Variants in RNF38 observed in about 807,000 individuals in gnomAD.
RNF38 encodes the protein E3 ubiquitin-protein ligase RNF38.
A neutral mutation model predicts 67.2 loss-of-function variants in RNF38; 15 were observed. The observed-to-expected ratio is 0.22, with a 90% CI of 0.15 to 0.34. The LOEUF is 0.34. Ranked by LOEUF, RNF38 falls within the 10% of genes least tolerant of loss-of-function variation. RNF38 has a pLI of 1.00. For missense variants in RNF38, 524 were observed against 639.9 expected, an observed-to-expected ratio of 0.82 and a Z score of 1.95; for synonymous variants, 220 against 218.8, an observed-to-expected ratio of 1.01 and a Z score of -0.05.
chr9:36,373,513 C>T lies in RNF38; in HGVS notation c.356+2421G>A, dbSNP rs551335508. ...ACCCTCTAAGAAAAATGAAGGGGAA[C>T]GGTAGCACCTGAGGCCTTTGAGGGA... On this transcript the variant is annotated intron_variant, in intron 3 of 11. Coordinates refer to ENST00000259605, the MANE Select transcript of RNF38 (RefSeq NM_022781.5). Among the ~76,000 whole-genome samples the T allele has an allele frequency of 2.2e-4, 34 of 151,402 alleles. No individual in the cohort carries two copies. In the East Asian group the frequency reaches 2.7e-3, roughly 12 times the overall value.
At chr9:36,352,602 T>C (rs974402082) in intron 8 of RNF38, 140 bp downstream of exon 8, 1 of 692,352 alleles carries the variant, frequency 1.4e-6, no homozygotes, top group African/African-American at 1.8e-5. Context: ...CTTAACTGGC[T>C]CCTCCCACCC....
At chr9:36,354,692 C>T (rs1339808665) in intron 6 of RNF38, among the ~76,000 whole-genome samples, 1 of 152,146 alleles carries the variant, frequency 6.6e-6, no homozygotes, top group African/African-American at 2.4e-5. Flanking sequence ...TTGGATTGTC[C>T]ACTCTTTGAC....
chr9:36,370,356 A>G (rs1261924401), intron 3 of RNF38, among the ~76,000 whole-genome samples: 2 of 152,130 alleles, frequency 1.3e-5, no homozygotes, highest in South Asian at 2.1e-4. Flanking sequence ...CTTTTTGTCT[A>G]TTTAGCTAAC....
chr9:36,486,761 A>C (rs1159990683), intron 1 of RNF38, among the ~76,000 whole-genome samples: 1 of 151,812 alleles, frequency 6.6e-6, no homozygotes, highest in East Asian at 1.9e-4. Flanking sequence ...GGCACCACCA[A>C]GCTCCCAAGT....
chr9:36,385,276 G>A (rs1836521684), intron 2 of RNF38, among the ~76,000 whole-genome samples: 1 of 152,092 alleles, frequency 6.6e-6, no homozygotes, highest in African/African-American at 2.4e-5. Context: ...AGCTCAGTGG[G>A]TGGACCAAGA....
intron 1 of RNF38, among the ~76,000 whole-genome samples, chr9:36,480,762 G>A (rs1170246577): frequency 1.3e-5 from 2 of 151,476 alleles, no homozygotes; most frequent in African/African-American, 2.4e-5. Flanking sequence ...ATGTTGCCCA[G>A]GCTGGTCTCA....
At chr9:36,420,532 C>CAA (rs59641483) in intron 2 of RNF38, among the ~76,000 whole-genome samples, 1,433 of 73,394 alleles carry the variant, frequency 0.02, 103 homozygotes, top group African/African-American at 0.051. Flanking sequence ...ACTCTGTCTC[C>CAA]AAAAAAAAAA....
intron 11 of RNF38, among the ~76,000 whole-genome samples, chr9:36,341,701 G>C (rs1156585346): frequency 6.6e-6 from 1 of 151,892 alleles, no homozygotes; most frequent in East Asian, 1.9e-4. Flanking sequence ...GTGACACCCA[G>C]TCTCGCTTGA....
chr9:36,356,498 G>A, intron 5 of RNF38, 25 bp from the exon 6 acceptor site: 4 of 1,515,116 alleles, frequency 2.6e-6, no homozygotes, highest in South Asian at 1.3e-5. Flanking sequence ...ATTACAGTTT[G>A]GTTAAAAATA....
At chr9:36,350,624 A>G (rs1833624188) in intron 9 of RNF38, among the ~76,000 whole-genome samples, 1 of 152,242 alleles carries the variant, frequency 6.6e-6, no homozygotes, top group South Asian at 2.1e-4. Context: ...AAATCTTTTC[A>G]GCATGCCTAA....
chr9:36,402,291 G>A (rs564311732), upstream of RNF38, among the ~76,000 whole-genome samples: 7 of 152,262 alleles, frequency 4.6e-5, no homozygotes, highest in South Asian at 1.0e-3. Flanking sequence ...CAGCTGGCTG[G>A]CTCTCTCCCA....
chr9:36,460,953 C>T (rs1181122806), intron 1 of RNF38, among the ~76,000 whole-genome samples: 1 of 149,238 alleles, frequency 6.7e-6, no homozygotes, highest in African/African-American at 2.5e-5. Context: ...TGGCTCACAA[C>T]TGTAATTCCA....
rs751515740 is a variant in RNF38 at position 36,339,820 on chromosome 9, A to G, written c.1486-6T>C. ...ATTGGGCAAGTACGATTTGCCTACA[A>G]AACAAAAAGGAAAACTTGTTTAAAT... On this transcript the variant is annotated splice_polypyrimidine_tract_variant and splice_region_variant and intron_variant, in intron 11 of 11. Transcript: ENST00000259605. 4 of 1,610,380 alleles carry G rather than the reference A, an allele frequency of 2.5e-6. No homozygotes were observed. Among genetic ancestry groups the G allele is most frequent in the African/African-American group, 2.7e-5 (2 of 74,984 alleles).
chr9:36,385,380 CTTT>C (rs544217136), intron 2 of RNF38, among the ~76,000 whole-genome samples: 3 of 138,506 alleles, frequency 2.2e-5, no homozygotes, highest in African/African-American at 2.7e-5. Context: ...TCCACTACAG[CTTT>C]TTTTTTTTTT....
At chr9:36,468,442 T>A (rs1354503494) in intron 1 of RNF38, among the ~76,000 whole-genome samples, 1 of 152,156 alleles carries the variant, frequency 6.6e-6, no homozygotes, top group Non-Finnish European at 1.5e-5. Flanking sequence ...AAGAGCCAGG[T>A]AGAAAAGAGT....
intron 2 of RNF38, among the ~76,000 whole-genome samples, chr9:36,424,381 G>GA (rs1838717300): frequency 6.6e-6 from 1 of 152,172 alleles, no homozygotes. Context: ...GCATAGGTAG[G>GA]AAAGTGGAGT....
chr9:36,410,350 G>A (rs927396842), intron 2 of RNF38, among the ~76,000 whole-genome samples: 1 of 152,102 alleles, frequency 6.6e-6, no homozygotes, highest in Admixed American at 6.5e-5. Flanking sequence ...TTTTTGAAAT[G>A]GAGTCTTGCT....
chr9:36,481,949 A>C (rs1472411875), intron 1 of RNF38, among the ~76,000 whole-genome samples: 1 of 152,196 alleles, frequency 6.6e-6, no homozygotes, highest in African/African-American at 2.4e-5. Flanking sequence ...GAGAAAAATA[A>C]CTGCATTTAC....
chr9:36,483,517 A>C (rs1840329753), intron 1 of RNF38, among the ~76,000 whole-genome samples: 1 of 152,192 alleles, frequency 6.6e-6, no homozygotes, highest in Non-Finnish European at 1.5e-5. Context: ...TGTTAACATA[A>C]ATTCATTCAT....
Sources: allele counts gnomAD v4.1 joint callset (sites outside exome capture counted in the v4.1 genomes callset), GRCh38; gene constraint gnomAD v4.1.1; transcripts MANE v1.5; gene names NCBI Gene and HGNC (gene_info 2026-07-23, HGNC 2026-07-21).